Variants in ERC2 observed in about 807,000 individuals in gnomAD.
ERC2 encodes the protein ERC protein 2.
In ERC2, 42 loss-of-function variants were observed where a neutral mutation model predicts 114.8. The ratio of observed to expected loss-of-function variants is 0.37; its 90% CI spans 0.29 to 0.47. ERC2 has a LOEUF of 0.47. ERC2 is among the 20% of genes least tolerant of loss of function. ERC2 has a pLI of 0.99. For missense variants in ERC2, 939 were observed against 1,150.7 expected, an observed-to-expected ratio of 0.82 and a Z score of 2.66; for synonymous variants, 454 against 425.5, an observed-to-expected ratio of 1.07 and a Z score of -0.82.
At chr3:56,118,830 G>T (rs1454926175) in intron 6 of ERC2, among the ~76,000 whole-genome samples, 1 of 151,902 alleles carries the variant, frequency 6.6e-6, no homozygotes, top group Non-Finnish European at 1.5e-5. Context: ...TAGAGACGGG[G>T]TTTCACCGTG....
In ERC2 at chr3:56,301,584, T is replaced by C. The variant is rs17288735; in HGVS notation, c.658-5149A>G. The stretch of plus-strand genomic sequence containing the variant: ...ACTCAATCAAGTTTCAAAACTCATT[T>C]ACCAAGCTGGGCACAGTGGCATATG... On this transcript the variant is annotated intron_variant, in intron 2 of 17. Transcript: ENST00000288221. Among the ~76,000 whole-genome samples, 1,901 of 152,216 alleles carry C rather than the reference T, an allele frequency of 0.012. 84 individuals carry two copies. In the East Asian group the frequency reaches 0.16, roughly 13 times the overall value.
chr3:55,986,096 C>A, intron 11 of ERC2, 108 bp from the exon 12 acceptor site: 1 of 1,040,002 alleles, frequency 9.6e-7, no homozygotes, highest in Admixed American at 2.1e-5. Flanking sequence ...AACATATAGC[C>A]AACAGATGTT....
At chr3:55,822,564 T>C (rs2060168775) in intron 14 of ERC2, among the ~76,000 whole-genome samples, 1 of 133,550 alleles carries the variant, frequency 7.5e-6, no homozygotes, top group African/African-American at 3.3e-5. Context: ...TTTTTCTTTT[T>C]TTTCTTTTTT....
Position 56,007,230 on chromosome 3 carries a change from A to T in ERC2, c.2012T>A (p.Ile671Asn). The T allele has an allele frequency of 2.5e-6, 4 of 1,582,136 alleles. No homozygotes were observed. The South Asian group carries it at 4.6e-5, about 18-fold the overall frequency. The change falls in exon 10 of 18, where the codon ATT becomes AAT. Residue 671 changes from isoleucine to asparagine, a missense_variant. Ile to Asn is a moderately radical substitution (Grantham distance 149). Around this residue, in one of 5 missense-constraint regions of ERC2, gnomAD observed 328 missense variants for 353.9 expected, o/e 0.93. Transcript: ENST00000288221. ...GCTACATTCCTCTTTCTTTTGTTCA[A>T]TGGCTATTTCTAGAGATTTTAATTT... Reference protein sequence around the residue: ...DSKLKSLEIAIEQKKEECSKL... With the variant: ...DSKLKSLEIANEQKKEECSKL...
intron 2 of ERC2, among the ~76,000 whole-genome samples, chr3:56,330,954 C>T (rs1368732068): frequency 2.0e-5 from 3 of 152,174 alleles, no homozygotes; most frequent in African/African-American, 7.2e-5. Flanking sequence ...TTCAGGATCA[C>T]AGAGGCAAAA....
intron 13 of ERC2, among the ~76,000 whole-genome samples, chr3:55,918,701 G>C (rs1366118249): frequency 6.6e-6 from 1 of 151,476 alleles, no homozygotes; most frequent in Non-Finnish European, 1.5e-5. Flanking sequence ...CCTATCATAG[G>C]ATAAGAAGCC....
chr3:55,577,031 G>A (rs1283383095), intron 17 of ERC2, among the ~76,000 whole-genome samples: 26 of 152,194 alleles, frequency 1.7e-4, no homozygotes. Context: ...ACAGGCTATT[G>A]TCTGCCCTGT....
chr3:55,520,334 G>A (rs1176018350), intron 17 of ERC2, among the ~76,000 whole-genome samples: 1 of 151,276 alleles, frequency 6.6e-6, no homozygotes, highest in East Asian at 2.0e-4. Context: ...TACTCAGGAG[G>A]GTGAGGCATG....
rs539975837 is a variant in ERC2 at position 56,148,376 on chromosome 3, C to T, written c.1305+601G>A. 2.6e-5 allele frequency among the ~76,000 whole-genome samples: 4 copies of T among 152,248 alleles called. No homozygotes were observed. In the South Asian group the frequency reaches 8.3e-4, roughly 32 times the overall value. The stretch of plus-strand genomic sequence containing the variant: ...TCTTGGCTCACTGCAACCTCTACCT[C>T]CCAGGTTCAAGTGATTCTCCTGCCT... On this transcript the variant is annotated intron_variant, in intron 5 of 17. Transcript: ENST00000288221.
At chr3:56,273,182 C>T (rs115299929) in intron 3 of ERC2, among the ~76,000 whole-genome samples, 8 of 151,866 alleles carry the variant, frequency 5.3e-5, no homozygotes, top group African/African-American at 9.7e-5. Flanking sequence ...TTGGGAAGTA[C>T]GGCAGCATGA....
At chr3:56,435,414 T>A (rs1032871715) in intron 1 of ERC2, among the ~76,000 whole-genome samples, 1 of 152,178 alleles carries the variant, frequency 6.6e-6, no homozygotes, top group African/African-American at 2.4e-5. Context: ...TAAGCTCTAT[T>A]CTTTAAGAAA....
At chr3:56,286,526 C>G (rs2054729168) in intron 3 of ERC2, among the ~76,000 whole-genome samples, 1 of 146,162 alleles carries the variant, frequency 6.8e-6, no homozygotes. Flanking sequence ...CTAAATATAA[C>G]TAATTGCAGA....
intron 17 of ERC2, among the ~76,000 whole-genome samples, chr3:55,577,957 G>C (rs114109593): frequency 0.013 from 1,981 of 152,308 alleles, 41 homozygotes; most frequent in African/African-American, 0.046. Context: ...CTGGGCACTG[G>C]AGAGGGAGAG....
chr3:56,062,869 C>T (rs1302047659), intron 7 of ERC2, among the ~76,000 whole-genome samples: 1 of 152,168 alleles, frequency 6.6e-6, no homozygotes, highest in East Asian at 1.9e-4. Context: ...ACCTTCTCAA[C>T]AGACGGAGAC....
chr3:55,969,844 T>C (rs1385732778), intron 12 of ERC2, among the ~76,000 whole-genome samples: 2 of 152,202 alleles, frequency 1.3e-5, no homozygotes, highest in East Asian at 1.9e-4. Flanking sequence ...ATCACAGCTC[T>C]CTGGAGAGGC....
At chr3:55,972,398 G>C (rs1251821278) in intron 12 of ERC2, among the ~76,000 whole-genome samples, 1 of 152,108 alleles carries the variant, frequency 6.6e-6, no homozygotes, top group Non-Finnish European at 1.5e-5. Flanking sequence ...ACATGCATTA[G>C]ATATTTGTCC....
At chr3:56,357,835 G>T (rs112459498) in intron 2 of ERC2, among the ~76,000 whole-genome samples, 413 of 150,122 alleles carry the variant, frequency 2.8e-3, no homozygotes, top group African/African-American at 9.1e-3. Context: ...AATACTGCAA[G>T]CCTCAAGGAA....
At chr3:55,832,789 C>T (rs13088755) in intron 14 of ERC2, among the ~76,000 whole-genome samples, 54,332 of 152,006 alleles carry the variant, frequency 0.36, 12,066 homozygotes, top group African/African-American at 0.63. Flanking sequence ...AGAAGAAGGC[C>T]TCAGACGATC....
intron 13 of ERC2, among the ~76,000 whole-genome samples, chr3:55,910,674 G>A (rs1225919482): frequency 6.6e-6 from 1 of 152,152 alleles, no homozygotes. Context: ...ACAATCGTCT[G>A]TAATACCATT....
Sources: allele counts gnomAD v4.1 joint callset (sites outside exome capture counted in the v4.1 genomes callset), GRCh38; gene constraint gnomAD v4.1.1; regional missense constraint gnomAD v4.1.1; transcripts MANE v1.5; gene names NCBI Gene and HGNC (gene_info 2026-07-23, HGNC 2026-07-21).